Variants in GARIN1B observed in about 807,000 individuals in gnomAD.
The protein encoded by GARIN1B is Golgi-associated RAB2 interactor protein 1B.
chr7:128,728,171 C>A, the GARIN1B span, among the ~76,000 whole-genome samples: 1 of 152,160 alleles, frequency 6.6e-6, no homozygotes, highest in South Asian at 2.1e-4. Flanking sequence ...GGGCAGGGCG[C>A]GGTGGCTCAC....
the GARIN1B span, among the ~76,000 whole-genome samples, chr7:128,717,715 G>C: frequency 6.6e-6 from 1 of 150,386 alleles, no homozygotes; most frequent in Non-Finnish European, 1.5e-5. Flanking sequence ...CCAAAGTGCT[G>C]GGATTACGGG....
At chr7:128,712,040 C>T in the GARIN1B span, among the ~76,000 whole-genome samples, 4 of 151,588 alleles carry the variant, frequency 2.6e-5, no homozygotes, top group Admixed American at 2.6e-4. Context: ...GACTCCGCCT[C>T]AAAAAACAAA....
At chr7:128,710,128 G>A in the GARIN1B span, among the ~76,000 whole-genome samples, 437 of 152,222 alleles carry the variant, frequency 2.9e-3, 2 homozygotes, top group Admixed American at 5.6e-3. Flanking sequence ...ATGTTGGCCA[G>A]GCTGGTCTCA....
chr7:128,718,511 C>A, the GARIN1B span, among the ~76,000 whole-genome samples: 1 of 152,000 alleles, frequency 6.6e-6, no homozygotes, highest in Non-Finnish European at 1.5e-5. Context: ...CACCTTACCT[C>A]CTAGGCTGTC....
At chr7:128,729,969 G>T in the GARIN1B span, 2 of 1,614,034 alleles carry the variant, frequency 1.2e-6, no homozygotes, top group East Asian at 4.5e-5. Flanking sequence ...CTTCATTCAC[G>T]TACGGAGAGT....
the GARIN1B span, among the ~76,000 whole-genome samples, chr7:128,711,658 G>GACACACACACACACACACACAC: frequency 6.9e-6 from 1 of 144,870 alleles, no homozygotes; most frequent in African/African-American, 2.5e-5. Context: ...TGGTTTTACA[G>GACACACACACACACACACACAC]ACACACACAC....
the GARIN1B span, among the ~76,000 whole-genome samples, chr7:128,728,182 G>A: frequency 2.0e-5 from 3 of 152,166 alleles, no homozygotes; most frequent in Non-Finnish European, 4.4e-5. Flanking sequence ...GGTGGCTCAC[G>A]CCTGTAATCC....
chr7:128,726,906 G>T, the GARIN1B span: 1 of 1,588,436 alleles, frequency 6.3e-7, no homozygotes, highest in East Asian at 2.2e-5. Context: ...GCCTCAAAGA[G>T]CTTTCTACTC....
chr7:128,718,943 C>T, the GARIN1B span: 1 of 1,614,206 alleles, frequency 6.2e-7, no homozygotes, highest in Non-Finnish European at 8.5e-7. Flanking sequence ...TCCTGACCAT[C>T]CTGAGACTGT....
chr7:128,717,146 T>G, the GARIN1B span: 1 of 750,386 alleles, frequency 1.3e-6, no homozygotes, highest in Non-Finnish European at 2.1e-6. Flanking sequence ...CTAAGACAGG[T>G]GTTGCACTGG....
the GARIN1B span, chr7:128,709,327 C>T: frequency 6.6e-6 from 1 of 152,178 alleles, no homozygotes; most frequent in African/African-American, 2.4e-5. Flanking sequence ...CTGTACCTCT[C>T]CTTTATTTGC....
chr7:128,715,327 C>G, the GARIN1B span: 1 of 1,509,634 alleles, frequency 6.6e-7, no homozygotes, highest in South Asian at 1.3e-5. Context: ...TGATGTCATC[C>G]ATTCATCATT....
the GARIN1B span, chr7:128,718,684 C>A: frequency 1.0e-6 from 1 of 963,382 alleles, no homozygotes; most frequent in Non-Finnish European, 1.5e-6. Flanking sequence ...TTGGTCTCCC[C>A]AACAATTGAG....
chr7:128,731,205 A>G, the GARIN1B span: 1 of 1,212,618 alleles, frequency 8.2e-7, no homozygotes, highest in Non-Finnish European at 1.2e-6. Context: ...GATGGAGAGT[A>G]GGAGAAAACT....
At chr7:128,726,699 C>T in the GARIN1B span, 2 of 797,208 alleles carry the variant, frequency 2.5e-6, no homozygotes, top group Non-Finnish European at 1.9e-6. Context: ...CCACAGCTGG[C>T]CTTTTTCATA....
At chr7:128,718,811 G>T in the GARIN1B span, 119,968 of 1,608,878 alleles carry the variant, frequency 0.075, 7,631 homozygotes, top group Admixed American at 0.28. Context: ...GTCAGTGTGT[G>T]TCTTCCCTGG....
the GARIN1B span, chr7:128,716,764 C>A: frequency 6.6e-7 from 1 of 1,516,294 alleles, no homozygotes; most frequent in Non-Finnish European, 8.9e-7. Flanking sequence ...CTGAAACAGA[C>A]TGCAGCTTTT....
the GARIN1B span, chr7:128,726,940 C>A: frequency 1.4e-6 from 2 of 1,406,312 alleles, no homozygotes; most frequent in South Asian, 1.2e-5. Context: ...AAGATCCCCT[C>A]CAGCCCCCAT....
the GARIN1B span, chr7:128,729,791 T>A: frequency 3.5e-6 from 4 of 1,152,626 alleles, no homozygotes; most frequent in South Asian, 5.7e-5. Context: ...TGCACGTAAT[T>A]GTTTGGAATG....
Sources: gnomAD v4.1 joint callset for allele counts (sites outside exome capture counted in the v4.1 genomes callset) on GRCh38, gnomAD v4.1.1 for gene constraint, MANE v1.5 for transcripts, NCBI Gene and HGNC (gene_info 2026-07-23, HGNC 2026-07-21) for gene names.